Variants in FAM168A observed in about 807,000 individuals in gnomAD.
FAM168A encodes family with sequence similarity 168 member A, also known as protein FAM168A.
A neutral mutation model predicts 28.5 loss-of-function variants in FAM168A; 3 were observed. The ratio of observed to expected loss-of-function variants is 0.11; its 90% CI spans 0.05 to 0.27. The LOEUF is 0.27. FAM168A is among the 10% of genes least tolerant of loss of function. FAM168A has a pLI of 1.00. For synonymous variants in FAM168A, 122 were observed against 124.2 expected, an observed-to-expected ratio of 0.98 and a Z score of 0.12; for missense variants, 222 against 311.5, an observed-to-expected ratio of 0.71 and a Z score of 2.16.
intron 2 of FAM168A, among the ~76,000 whole-genome samples, chr11:73,453,352 C>G (rs540615634): frequency 1.7e-3 from 261 of 152,310 alleles, no homozygotes; most frequent in Non-Finnish European, 3.2e-3. Context: ...ACCAGAATCT[C>G]TGTGATTCCA....
chr11:73,451,291 C>G (rs1867424692), intron 2 of FAM168A, among the ~76,000 whole-genome samples: 1 of 152,196 alleles, frequency 6.6e-6, no homozygotes, highest in Non-Finnish European at 1.5e-5. Flanking sequence ...ATGTGAATTA[C>G]TGTTTAGAGA....
At chr11:73,416,949 A>G (rs1866704616) in intron 4 of FAM168A, among the ~76,000 whole-genome samples, 1 of 152,118 alleles carries the variant, frequency 6.6e-6, no homozygotes. Flanking sequence ...TTGTCTCAAA[A>G]AAAAGGTGGG....
At chr11:73,503,060 A>C (rs1175304244) in intron 1 of FAM168A, among the ~76,000 whole-genome samples, 1 of 152,224 alleles carries the variant, frequency 6.6e-6, no homozygotes, top group Non-Finnish European at 1.5e-5. Context: ...AACAGGCAAA[A>C]GCTGGAAGCA....
intron 1 of FAM168A, among the ~76,000 whole-genome samples, chr11:73,496,897 A>ACACACG (rs1463177050): frequency 2.0e-5 from 3 of 150,372 alleles, no homozygotes; most frequent in African/African-American, 7.4e-5. Context: ...ACACACACAC[A>ACACACG]CACACACACG....
At chr11:73,427,185 G>A (rs553501388) in intron 3 of FAM168A, among the ~76,000 whole-genome samples, 5 of 152,114 alleles carry the variant, frequency 3.3e-5, no homozygotes, top group East Asian at 1.9e-4. Context: ...TAGAGACAGC[G>A]TTTCACGGTG....
At chr11:73,423,765 G>A (rs1198730788) in intron 3 of FAM168A, among the ~76,000 whole-genome samples, 1 of 152,090 alleles carries the variant, frequency 6.6e-6, no homozygotes, top group Non-Finnish European at 1.5e-5. Flanking sequence ...GTACTTGATG[G>A]CATGTCTTCT....
intron 2 of FAM168A, chr11:73,452,080 G>A (rs1320879917): frequency 6.6e-6 from 1 of 152,316 alleles, no homozygotes; most frequent in African/African-American, 2.4e-5. Context: ...GCCCAGGCTG[G>A]GGTGTTGGAA....
chr11:73,544,939 TGTAATA>T (rs1206013577), intron 1 of FAM168A, among the ~76,000 whole-genome samples: 102 of 93,980 alleles, frequency 1.1e-3, no homozygotes, highest in Non-Finnish European at 1.8e-3. Flanking sequence ...AAATATATTA[TGTAATA>T]TATAATATAT....
intron 1 of FAM168A, among the ~76,000 whole-genome samples, chr11:73,578,927 A>T (rs1041890136): frequency 6.6e-6 from 1 of 152,218 alleles, no homozygotes; most frequent in East Asian, 1.9e-4. Context: ...TGCTGTGTAC[A>T]TAACAGAATA....
Position 73,404,345 on chromosome 11 carries a change from A to G in FAM168A, c.*2418T>C, listed in dbSNP as rs576117393. The G allele has an allele frequency of 3.3e-5, 5 of 152,166 alleles. No homozygotes were observed. Among genetic ancestry groups the G allele is most frequent in the African/African-American group, 9.7e-5 (4 of 41,420 alleles). 9.4% of individuals were successfully genotyped at this position (152,166 alleles called of 1,614,324 possible). ...TTTCCTCATTTGTCAATTGACTGTAATAACTCTAACCCTGTCCCTCTCAGG... is the reference window on the plus strand; with the variant it reads ...TTTCCTCATTTGTCAATTGACTGTAGTAACTCTAACCCTGTCCCTCTCAGG... On this transcript the variant is annotated 3_prime_UTR_variant, in exon 8 of 8. Transcript: ENST00000356467.
intron 1 of FAM168A, among the ~76,000 whole-genome samples, chr11:73,496,505 T>C (rs1854878853): frequency 6.6e-6 from 1 of 152,248 alleles, no homozygotes; most frequent in African/African-American, 2.4e-5. Flanking sequence ...CTGTAGTGTA[T>C]ACTTAAAAAT....
intron 1 of FAM168A, among the ~76,000 whole-genome samples, chr11:73,534,761 A>T (rs1377383920): frequency 2.0e-5 from 3 of 152,170 alleles, no homozygotes; most frequent in Non-Finnish European, 2.9e-5. Flanking sequence ...ATTACATGAA[A>T]ATCTGTCTGA....
At chr11:73,429,226 T>C (rs973911878) in intron 3 of FAM168A, among the ~76,000 whole-genome samples, 2 of 152,130 alleles carry the variant, frequency 1.3e-5, no homozygotes, top group East Asian at 3.9e-4. Context: ...GTAGAATAAA[T>C]ACTAGATTGG....
rs1393012996 is a variant in FAM168A, at chr11:73,402,904, ACTGGGCT to A, written c.*3852_*3858del. ...TCATACAAATCTGCTCAGCTCAGAG[ACTGGGCT>A]TCCCAGCTCTATAAAGTACAGTTAG... On this transcript the variant is annotated 3_prime_UTR_variant, in exon 8 of 8. Coordinates refer to ENST00000356467, the MANE Select transcript of FAM168A (RefSeq NM_015159.3). 6.6e-6 allele frequency: 1 copy of A among 152,172 alleles called. No individual in the cohort carries two copies. The highest frequency in any genetic ancestry group is 1.5e-5 in the Non-Finnish European group (1 of 68,036). The allele number at this position is 152,172 out of a possible 1,614,324, so 9.4% of individuals were successfully genotyped here.
In FAM168A at chr11:73,409,560, T is replaced by G. The variant is rs1455489663; in HGVS notation, c.522A>C (p.Ala174=). ...PNSIPSAIYP[A]PVAAPRTNGV... The stretch of plus-strand genomic sequence containing the variant: ...CGTTGGTCCTCGGGGCGGCAACAGG[T>G]GCTGGGTAGATAGCAGAGGGAATGC... Residue 174 remains alanine (A), a synonymous_variant, in exon 6 of 8, where the codon GCA becomes GCC. Transcript: ENST00000356467. 2 of 1,613,830 alleles carry G rather than the reference T, an allele frequency of 1.2e-6. No individual in the cohort carries two copies. The highest frequency in any genetic ancestry group is 3.3e-5 in the Admixed American group (2 of 59,976).
intron 4 of FAM168A, among the ~76,000 whole-genome samples, chr11:73,416,645 T>C (rs1866699333): frequency 6.6e-6 from 1 of 152,144 alleles, no homozygotes; most frequent in South Asian, 2.1e-4. Flanking sequence ...CAACCCCAAC[T>C]GCATTAAAAA....
intron 2 of FAM168A, among the ~76,000 whole-genome samples, chr11:73,454,588 G>A (rs779422051): frequency 1.4e-4 from 22 of 151,742 alleles, no homozygotes; most frequent in African/African-American, 2.9e-4. Flanking sequence ...GCCTGAAACC[G>A]CGGCCCAAAG....
chr11:73,438,788 G>A (rs147748416), intron 2 of FAM168A, among the ~76,000 whole-genome samples: 1 of 152,298 alleles, frequency 6.6e-6, no homozygotes, highest in East Asian at 1.9e-4. Flanking sequence ...TAAAACACTA[G>A]CAATAGGATG....
intron 1 of FAM168A, among the ~76,000 whole-genome samples, chr11:73,566,954 G>A (rs1944026779): frequency 6.6e-6 from 1 of 152,194 alleles, no homozygotes; most frequent in African/African-American, 2.4e-5. Flanking sequence ...GAGAAGGGAA[G>A]AGGACCATTT....
Sources: allele counts gnomAD v4.1 joint callset (sites outside exome capture counted in the v4.1 genomes callset), GRCh38; gene constraint gnomAD v4.1.1; transcripts MANE v1.5; gene names NCBI Gene and HGNC (gene_info 2026-07-23, HGNC 2026-07-21).